The following LMBR1 variants were observed in gnomAD, a reference collection of about 807,000 sequenced individuals.
LMBR1 encodes limb region 1 protein homolog.
A neutral mutation model predicts 73.9 loss-of-function variants in LMBR1; 52 were observed. That is an observed-to-expected ratio of 0.70 (90% confidence interval 0.56 to 0.89). The LOEUF (loss-of-function observed/expected upper bound fraction) is 0.89. Ranked by LOEUF, LMBR1 falls within the 40% of genes least tolerant of loss-of-function variation. The probability of loss-of-function intolerance (pLI) is 0.00; values close to 1 mark genes in which losing one functional copy is unlikely to be tolerated. For synonymous variants in LMBR1, 215 were observed against 209.4 expected, an observed-to-expected ratio of 1.03 and a Z score of -0.23; for missense variants, 539 against 579.8, an observed-to-expected ratio of 0.93 and a Z score of 0.72.
At chr7:156,858,325 A>G (rs1797264055) in intron 1 of LMBR1, among the ~76,000 whole-genome samples, 2 of 152,200 alleles carry the variant, frequency 1.3e-5, no homozygotes, top group African/African-American at 4.8e-5. Flanking sequence ...CACAAATTTG[A>G]AAACTTAGAT....
chr7:156,801,880 G>A (rs552928217), intron 4 of LMBR1, among the ~76,000 whole-genome samples: 7 of 152,192 alleles, frequency 4.6e-5, no homozygotes, highest in South Asian at 2.1e-4. Flanking sequence ...TTTTACAGAC[G>A]GACTTCAGGT....
chr7:156,712,344 A>G (rs557995389), intron 15 of LMBR1, among the ~76,000 whole-genome samples: 203 of 152,246 alleles, frequency 1.3e-3, no homozygotes, highest in African/African-American at 4.4e-3. Flanking sequence ...GCTACTATTA[A>G]AAAGTAAAAA....
intron 1 of LMBR1, among the ~76,000 whole-genome samples, chr7:156,842,644 ATTTCT>A (rs1355917087): frequency 2.6e-5 from 4 of 152,172 alleles, no homozygotes; most frequent in African/African-American, 7.2e-5. Flanking sequence ...ACAGTTTTTA[ATTTCT>A]TTTAATTCCT....
chr7:156,780,794 C>G (rs929224521), intron 5 of LMBR1, among the ~76,000 whole-genome samples: 5 of 152,210 alleles, frequency 3.3e-5, no homozygotes, highest in African/African-American at 1.2e-4. Context: ...CAATTCAGGT[C>G]TGTCAGCCCT....
downstream of LMBR1, chr7:156,676,182 C>A: frequency 2.3e-6 from 3 of 1,277,100 alleles, no homozygotes; most frequent in Non-Finnish European, 2.1e-6. Context: ...TTGGATGTTG[C>A]TTATCACAGG....
intron 15 of LMBR1, among the ~76,000 whole-genome samples, chr7:156,697,880 C>G (rs918924533): frequency 5.3e-5 from 8 of 152,212 alleles, no homozygotes; most frequent in African/African-American, 1.7e-4. Context: ...AGATTAAAGA[C>G]AGGCATAAAA....
At chr7:156,708,150 T>C (rs1328815090) in intron 15 of LMBR1, among the ~76,000 whole-genome samples, 1 of 151,910 alleles carries the variant, frequency 6.6e-6, no homozygotes, top group Non-Finnish European at 1.5e-5. Flanking sequence ...AGGACTAATG[T>C]GCAGTTCCCA....
At chr7:156,716,175 G>A (rs1048989100) in intron 15 of LMBR1, among the ~76,000 whole-genome samples, 2 of 152,198 alleles carry the variant, frequency 1.3e-5, no homozygotes, top group African/African-American at 4.8e-5. Context: ...AAGGTTGAAA[G>A]TGCAAGACTC....
chr7:156,766,422 C>T (rs1053036356), intron 5 of LMBR1, among the ~76,000 whole-genome samples: 3 of 152,130 alleles, frequency 2.0e-5, no homozygotes, highest in Non-Finnish European at 4.4e-5. Flanking sequence ...CTTGTGCACT[C>T]GGTTATGTGC....
At chr7:156,838,903 C>T (rs1399139443) in intron 1 of LMBR1, among the ~76,000 whole-genome samples, 2 of 152,162 alleles carry the variant, frequency 1.3e-5, no homozygotes, top group African/African-American at 4.8e-5. Context: ...TTTTTGATTA[C>T]AGCCACCCTA....
intron 1 of LMBR1, among the ~76,000 whole-genome samples, chr7:156,855,304 G>A (rs931919302): frequency 6.6e-6 from 1 of 152,110 alleles, no homozygotes; most frequent in Admixed American, 6.5e-5. Flanking sequence ...CTAGACACCT[G>A]TGAAGGTCAC....
chr7:156,774,107 G>GA (rs1269616818), intron 5 of LMBR1, among the ~76,000 whole-genome samples: 1 of 152,016 alleles, frequency 6.6e-6, no homozygotes, highest in Non-Finnish European at 1.5e-5. Context: ...AGAAGCACAT[G>GA]AAAAAAATGC....
chr7:156,671,729 C>A (rs189302574), intron 4 of LMBR1, among the ~76,000 whole-genome samples: 110 of 150,976 alleles, frequency 7.3e-4, no homozygotes, highest in Non-Finnish European at 1.2e-3. Context: ...CCGTGTCCCT[C>A]CCCAGTCGTC....
In LMBR1 at chr7:156,669,941, AAAAG is replaced by A. The variant is rs1381911313; in HGVS notation, n.867-658_867-655del. On this transcript the variant is annotated intron_variant and non_coding_transcript_variant, in intron 4 of 4. Coordinates refer to the LMBR1 transcript ENST00000430825. The surrounding 1 kb of genome is among the most constrained non-coding windows in gnomAD (Gnocchi z 4.2). ...GAAAATGAAACACAGATCCCTGTTT[AAAAG>A]AAAGAAAACATGGGAAAGTGCCATC... 1.3e-5 allele frequency among the ~76,000 whole-genome samples: 2 copies of A among 152,224 alleles called. No individual in the cohort carries two copies. Among genetic ancestry groups the A allele is most frequent in the African/African-American group, 4.8e-5 (2 of 41,454 alleles).
chr7:156,812,592 T>C (rs1445870593), intron 4 of LMBR1, among the ~76,000 whole-genome samples: 1 of 152,082 alleles, frequency 6.6e-6, no homozygotes, highest in Non-Finnish European at 1.5e-5. Context: ...GAAACCAAAT[T>C]CTTCCCCGGG....
At chr7:156,689,213 G>A (rs116347929) in intron 15 of LMBR1, among the ~76,000 whole-genome samples, 1,633 of 152,116 alleles carry the variant, frequency 0.011, 32 homozygotes, top group African/African-American at 0.037. Context: ...TTCAGGTGTC[G>A]GTCAAGAGAC....
intron 2 of LMBR1, among the ~76,000 whole-genome samples, chr7:156,836,190 C>T (rs1837617808): frequency 6.6e-6 from 1 of 152,062 alleles, no homozygotes; most frequent in Admixed American, 6.6e-5. Context: ...ACTATTAGCC[C>T]AACATCACAA....
At chr7:156,888,028 C>G (rs1802209694) in intron 1 of LMBR1, among the ~76,000 whole-genome samples, 1 of 152,122 alleles carries the variant, frequency 6.6e-6, no homozygotes, top group African/African-American at 2.4e-5. Flanking sequence ...GGTGAAGATG[C>G]GGAAGAACCA....
chr7:156,746,721 G>T (rs1272598093), intron 9 of LMBR1, among the ~76,000 whole-genome samples: 4 of 152,064 alleles, frequency 2.6e-5, no homozygotes, highest in Non-Finnish European at 5.9e-5. Flanking sequence ...CAATACCTAA[G>T]GGAGAAATGT....
Sources: allele counts gnomAD v4.1 joint callset (sites outside exome capture counted in the v4.1 genomes callset), GRCh38; gene constraint gnomAD v4.1.1; non-coding constraint Gnocchi (gnomAD v3.1); transcripts MANE v1.5; gene names NCBI Gene and HGNC (gene_info 2026-07-23, HGNC 2026-07-21).